ABCC11: variants seen among roughly 807,000 people sequenced by gnomAD.
ABCC11 encodes the protein ATP-binding cassette sub-family C member 11.
In ABCC11, 135 loss-of-function variants were observed where a neutral mutation model predicts 149.3. The ratio of observed to expected loss-of-function variants is 0.90; its 90% confidence interval spans 0.79 to 1.04. The LOEUF is 1.04. Ranked by LOEUF, ABCC11 falls within the 50% of genes least tolerant of loss-of-function variation. ABCC11 has a pLI of 0.00. For missense variants in ABCC11, 1,680 were observed against 1,722.1 expected, an observed-to-expected ratio of 0.98 and a Z score of 0.43; for synonymous variants, 665 against 671.4, an observed-to-expected ratio of 0.99 and a Z score of 0.15.
intron 2 of ABCC11, 144 bp downstream of exon 2, chr16:48,231,671 AAAAAAGAG>A: frequency 9.0e-6 from 11 of 1,220,332 alleles, no homozygotes; most frequent in South Asian, 5.1e-5. Context: ...AAAAAAAAAA[AAAAAAGAG>A]AGAGAGAGAG....
chr16:48,242,172 C>T (rs1037282274), intron 1 of ABCC11, among the ~76,000 whole-genome samples: 7 of 152,186 alleles, frequency 4.6e-5, no homozygotes, highest in Non-Finnish European at 8.8e-5. Flanking sequence ...TATCCAGAAT[C>T]TACAAAGAAC....
At position 48,210,993 on chromosome 16, in the gene ABCC11, G is replaced by C. The variant is rs144136977; in HGVS notation, c.1563C>G (p.Asn521Lys). 1.1e-4 allele frequency: 170 copies of C among 1,614,206 alleles called. No individual in the cohort carries two copies. The African/African-American group carries it at 2.0e-3, about 19-fold the overall frequency. ...TCTTGTGCAACTCTGGGCCCAGGCT[G>C]TTCCCTTCTTCCTCTGGCCCGAGGG... ...RDALGPEEEGNSLGPELHKIN... is the reference protein window; with the variant it reads ...RDALGPEEEGKSLGPELHKIN... Residue 521 changes from asparagine (N) to lysine (K), a missense_variant, in exon 11 of 30, where the codon AAC becomes AAG. Physicochemically the swap from Asn to Lys is moderately conservative, Grantham distance 94. Coordinates refer to ENST00000356608, the MANE Select transcript of ABCC11 (RefSeq NM_001370497.1).
chr16:48,232,035 G>A, intron 1 of ABCC11, 96 bp from the exon 2 acceptor site: 1 of 1,555,638 alleles, frequency 6.4e-7, no homozygotes. Flanking sequence ...GCACTACCCT[G>A]CAGGGAGCAT....
In ABCC11 at chr16:48,231,841, C is replaced by G; in HGVS notation, c.81G>C (p.Met27Ile). Residue 27 changes from methionine (M) to isoleucine (I), a missense_variant, in exon 2 of 30, where the codon ATG (methionine) becomes ATC (isoleucine). Transcript: ENST00000356608. ...VNRGIDIGDD[M>I]VSGLIYKTYT... ...TACTTACATAAATAAGTCCTGAAAC[C>G]ATGTCATCGCCTATGTCGATGCCAC... is the stretch of plus-strand genomic sequence containing the variant. 1 of 1,614,118 alleles carries G rather than the reference C, an allele frequency of 6.2e-7. No individual in the cohort carries two copies. The highest frequency in any genetic ancestry group is 1.7e-5 in the Admixed American group (1 of 60,026).
intron 10 of ABCC11, 109 bp from the exon 11 acceptor site, chr16:48,211,308 T>C: frequency 7.4e-7 from 1 of 1,360,214 alleles, no homozygotes; most frequent in South Asian, 1.4e-5. Context: ...TGTGAATTTC[T>C]AATAAGCAGT....
chr16:48,191,851 G>A (rs1037400253), intron 20 of ABCC11, among the ~76,000 whole-genome samples: 2 of 151,816 alleles, frequency 1.3e-5, no homozygotes, highest in African/African-American at 2.4e-5. Context: ...ACGGGGGAGG[G>A]ATAGCATTAG....
chr16:48,170,088 G>A lies in ABCC11; in HGVS notation c.3891+17C>T, dbSNP rs780840405. On this transcript the variant is annotated intron_variant, in intron 28 of 29. Coordinates refer to ENST00000356608, the MANE Select transcript of ABCC11 (RefSeq NM_001370497.1). ...AGTCTGTGGCTTCCCCTGGCCACACGGCAGTGGTGGCCTCACCTTGGAGTT... is the reference window on the plus strand; with the variant it reads ...AGTCTGTGGCTTCCCCTGGCCACACAGCAGTGGTGGCCTCACCTTGGAGTT... 5.1e-5 allele frequency: 82 copies of A among 1,600,282 alleles called. No individual in the cohort carries two copies. Among genetic ancestry groups the A allele is most frequent in the African/African-American group, 8.0e-5 (6 of 74,594 alleles).
At chr16:48,167,443 G>C in intron 29 of ABCC11, 53 bp downstream of exon 29, 2 of 1,610,536 alleles carry the variant, frequency 1.2e-6, no homozygotes, top group Non-Finnish European at 1.7e-6. Context: ...AAGGCATCTG[G>C]GGTAGCAGCC....
At chr16:48,213,755 C>T (rs1969113415) in intron 9 of ABCC11, among the ~76,000 whole-genome samples, 1 of 152,176 alleles carries the variant, frequency 6.6e-6, no homozygotes, top group Non-Finnish European at 1.5e-5. Flanking sequence ...GGCCTAGTCC[C>T]TGTTGCAGCT....
At chr16:48,182,826 T>C (rs1044641099) in intron 23 of ABCC11, among the ~76,000 whole-genome samples, 17 of 151,220 alleles carry the variant, frequency 1.1e-4, no homozygotes, top group Non-Finnish European at 8.8e-5. Flanking sequence ...GATATCCAGG[T>C]TTAAAGAGGC....
chr16:48,226,443 A>AT (rs998392879), intron 4 of ABCC11, among the ~76,000 whole-genome samples: 4 of 151,648 alleles, frequency 2.6e-5, no homozygotes, highest in African/African-American at 9.7e-5. Context: ...TGCCTGGCTA[A>AT]TTTTTTTGTG....
chr16:48,212,989 A>G (rs1427123061), intron 10 of ABCC11, among the ~76,000 whole-genome samples: 3 of 152,224 alleles, frequency 2.0e-5, no homozygotes, highest in Admixed American at 2.0e-4. Flanking sequence ...CATCTAAACA[A>G]GGCAGGTATT....
intron 22 of ABCC11, among the ~76,000 whole-genome samples, chr16:48,185,813 A>T (rs1330264351): frequency 1.3e-5 from 2 of 152,014 alleles, no homozygotes; most frequent in African/African-American, 4.8e-5. Context: ...ATTAAACACA[A>T]CAGACCCTGG....
intron 10 of ABCC11, among the ~76,000 whole-genome samples, chr16:48,211,699 C>T (rs908739838): frequency 6.6e-6 from 1 of 152,080 alleles, no homozygotes. Flanking sequence ...AAAAAATCTA[C>T]TTGTAGCTAT....
chr16:48,170,511 T>A (rs1215160226), intron 27 of ABCC11, among the ~76,000 whole-genome samples: 1 of 152,140 alleles, frequency 6.6e-6, no homozygotes, highest in Admixed American at 6.5e-5. Flanking sequence ...GGCCACCCAA[T>A]TGAAAAGAGC....
Position 48,207,255 on chromosome 16 carries a change from G to A in ABCC11, c.1680+1170C>T, listed in dbSNP as rs771009625. Among the ~76,000 whole-genome samples, 6 of 152,288 alleles carry A rather than the reference G, an allele frequency of 3.9e-5. No individual in the cohort carries two copies. In the South Asian group the frequency reaches 1.0e-3, roughly 26 times the overall value. ...CCCTGGGGAAGGGCTGGTGTAAGAC[G>A]CTTGAGGGAATGTGACCAAAAATGC... On this transcript the variant is annotated intron_variant, in intron 12 of 29. Transcript: ENST00000356608.
At chr16:48,187,810 G>C (rs1445431178) in intron 20 of ABCC11, among the ~76,000 whole-genome samples, 1 of 152,160 alleles carries the variant, frequency 6.6e-6, no homozygotes, top group Non-Finnish European at 1.5e-5. Flanking sequence ...TAGAGAGAGA[G>C]AGAATACATT....
rs1406132538 is a variant in ABCC11, at chr16:48,167,486, C to A, written c.4056+10G>T. On this transcript the variant is annotated intron_variant, in intron 29 of 29. Transcript: ENST00000356608. Reference sequence around the variant, plus strand: ...TCATCCTCCCACCAGCCCAAGGACGCAGCCTTCACCTTCCCATTGCCCATA... The same window carrying A: ...TCATCCTCCCACCAGCCCAAGGACGAAGCCTTCACCTTCCCATTGCCCATA... The A allele has an allele frequency of 8.1e-6, 13 of 1,613,770 alleles. No individual in the cohort carries two copies. Among genetic ancestry groups the A allele is most frequent in the Non-Finnish European group, 1.1e-5 (13 of 1,179,804 alleles).
intron 18 of ABCC11, among the ~76,000 whole-genome samples, chr16:48,195,897 G>A (rs1006615232): frequency 8.5e-5 from 13 of 152,192 alleles, no homozygotes; most frequent in Non-Finnish European, 1.5e-5. Context: ...ACTTTGGGAG[G>A]CTGAGATGGG....
Sources: allele counts gnomAD v4.1 joint callset (sites outside exome capture counted in the v4.1 genomes callset), GRCh38; gene constraint gnomAD v4.1.1; transcripts MANE v1.5; gene names NCBI Gene and HGNC (gene_info 2026-07-23, HGNC 2026-07-21).